CNOT4: variants seen among roughly 807,000 people sequenced by gnomAD.
CNOT4 encodes the protein CCR4-NOT transcription complex subunit 4.
CNOT4 carries 8 observed loss-of-function variants against 73.8 expected under a neutral mutation model. The observed-to-expected ratio is 0.11, with a 90% CI of 0.06 to 0.20. CNOT4 has a LOEUF of 0.20. CNOT4 is among the 10% of genes least tolerant of loss of function. The probability of loss-of-function intolerance (pLI) is 1.00; values close to 1 mark genes in which losing one functional copy is unlikely to be tolerated. For missense variants in CNOT4, 564 were observed against 883.4 expected (o/e 0.64, Z 4.58); for synonymous variants, 293 against 321.1 (o/e 0.91, Z 0.94).
At chr7:135,369,667 T>G (rs548930553) in intron 10 of CNOT4, among the ~76,000 whole-genome samples, 2 of 152,240 alleles carry the variant, frequency 1.3e-5, no homozygotes, top group Non-Finnish European at 2.9e-5. Context: ...ATTAACTCTT[T>G]GCCATTTAGA....
intron 10 of CNOT4, among the ~76,000 whole-genome samples, chr7:135,382,669 T>A (rs552746775): frequency 3.0e-4 from 45 of 152,232 alleles, no homozygotes; most frequent in African/African-American, 4.3e-4. Context: ...AAAATTTTTT[T>A]AAAAAATTGT....
chr7:135,364,209 T>C lies in CNOT4; in HGVS notation c.1628-143A>G. ...TTTAAAATGGGTTGTCCTAGCAAGA[T>C]AAACTTGGTTAGGATTTTGCTCGTG... On this transcript the variant is annotated intron_variant, in intron 10 of 11. Transcript: ENST00000541284. The surrounding 1 kb of genome is among the most constrained non-coding windows in gnomAD (Gnocchi z 4.3). 1.4e-6 allele frequency: 1 copy of C among 701,676 alleles called. No homozygotes were observed. Among genetic ancestry groups the C allele is most frequent in the Admixed American group, 2.9e-5 (1 of 34,200 alleles). 43.5% of individuals were successfully genotyped at this position (701,676 alleles called of 1,614,324 possible).
chr7:135,431,190 A>G (rs1342873796), intron 2 of CNOT4, among the ~76,000 whole-genome samples: 2 of 152,214 alleles, frequency 1.3e-5, no homozygotes, highest in Admixed American at 6.5e-5. Flanking sequence ...GCTTGAGCCC[A>G]GGAGTTCTAG....
intron 1 of CNOT4, among the ~76,000 whole-genome samples, chr7:135,473,513 G>A (rs1801776251): frequency 1.3e-5 from 2 of 152,162 alleles, no homozygotes; most frequent in Admixed American, 6.5e-5. Context: ...TTTGGAAGGC[G>A]AGGCAGGTGG....
chr7:135,464,085 T>C (rs1187594940), intron 1 of CNOT4, among the ~76,000 whole-genome samples: 1 of 150,378 alleles, frequency 6.6e-6, no homozygotes, highest in African/African-American at 2.4e-5. Flanking sequence ...CTTATATTGC[T>C]GGTGGTAATG....
rs184784256 is a variant in CNOT4, at chr7:135,410,560, A to G, written c.776T>C (p.Val259Ala). ...TGTCACTTTGTTCTTATTTTTATCA[A>G]CTGAACCCGTAGATAGCTGAAGAAA... ...PNFLQLSTGS[V>A]DKNKNKVTPL... Residue 259 changes from valine (V) to alanine (A), a missense_variant, in exon 7 of 12, where the codon GTT becomes GCT. Physicochemically the swap from Val to Ala is moderately conservative, Grantham distance 64. Coordinates refer to ENST00000541284, the MANE Select transcript of CNOT4 (RefSeq NM_001190850.2). 2.6e-5 allele frequency: 41 copies of G among 1,575,840 alleles called. No homozygotes were observed. Among genetic ancestry groups the G allele is most frequent in the Admixed American group, 5.4e-5 (3 of 55,232 alleles).
At chr7:135,389,651 C>T (rs1405165383) in intron 10 of CNOT4, among the ~76,000 whole-genome samples, 3 of 151,880 alleles carry the variant, frequency 2.0e-5, no homozygotes, top group East Asian at 3.9e-4. Context: ...AAGAAAAATG[C>T]CCTCTCAAAA....
At chr7:135,495,555 A>G (rs1279700330) in intron 1 of CNOT4, among the ~76,000 whole-genome samples, 6 of 148,904 alleles carry the variant, frequency 4.0e-5, no homozygotes, top group African/African-American at 1.5e-4. Flanking sequence ...ATGCACCTAC[A>G]GTGCCAGCTA....
At position 135,422,323 on chromosome 7, in the gene CNOT4, GT is replaced by G; in HGVS notation, c.204del (p.Lys68AsnfsTer11). On this transcript the variant is annotated frameshift_variant, in exon 3 of 12. Coordinates refer to ENST00000541284, the MANE Select transcript of CNOT4 (RefSeq NM_001190850.2). LOFTEE classifies it high-confidence loss of function. ...KPYPEDPAVY[K>X]PLSQEELQRI... ...CTTTGCAGCTCTTCCTGGGAGAGTG[GT>G]TTATAAACTGCTGGGTCTTCTGGAT... 6.5e-7 allele frequency: 1 copy of G among 1,547,276 alleles called. No individual in the cohort carries two copies. The highest frequency in any genetic ancestry group is 8.9e-7 in the Non-Finnish European group (1 of 1,119,612).
At chr7:135,497,191 T>C (rs1452965231) in intron 1 of CNOT4, among the ~76,000 whole-genome samples, 5 of 151,908 alleles carry the variant, frequency 3.3e-5, no homozygotes, top group African/African-American at 1.2e-4. Context: ...GCGGATTGCT[T>C]GAGGCCAGGA....
chr7:135,477,326 G>A (rs922199571), intron 1 of CNOT4, among the ~76,000 whole-genome samples: 6 of 150,380 alleles, frequency 4.0e-5, no homozygotes, highest in Admixed American at 2.0e-4. Context: ...CTGGGTGACC[G>A]AGTGAGACTC....
At chr7:135,426,444 T>TA (rs1181202930) in intron 2 of CNOT4, among the ~76,000 whole-genome samples, 3 of 148,542 alleles carry the variant, frequency 2.0e-5, no homozygotes, top group African/African-American at 5.0e-5. Context: ...CTACTAAAAA[T>TA]AAAAAAAAAT....
intron 1 of CNOT4, among the ~76,000 whole-genome samples, chr7:135,506,576 A>C (rs1804381105): frequency 1.3e-5 from 2 of 152,220 alleles, no homozygotes; most frequent in African/African-American, 4.8e-5. Flanking sequence ...TAGGCCTGGC[A>C]TGGTGGCTCA....
intron 1 of CNOT4, among the ~76,000 whole-genome samples, chr7:135,496,361 G>A (rs923223932): frequency 6.6e-6 from 1 of 152,192 alleles, no homozygotes; most frequent in Non-Finnish European, 1.5e-5. Flanking sequence ...CCACAGTGCT[G>A]GGATTACAGG....
chr7:135,459,869 C>T (rs1269465849), intron 1 of CNOT4, among the ~76,000 whole-genome samples: 1 of 152,232 alleles, frequency 6.6e-6, no homozygotes, highest in Non-Finnish European at 1.5e-5. Context: ...CATTGAAAAT[C>T]TGTTTAGTGT....
At chr7:135,480,312 T>C (rs1002880769) in intron 1 of CNOT4, among the ~76,000 whole-genome samples, 1 of 152,228 alleles carries the variant, frequency 6.6e-6, no homozygotes, top group Non-Finnish European at 1.5e-5. Context: ...TCTCCTCCAT[T>C]CTCTAAATCC....
intron 1 of CNOT4, among the ~76,000 whole-genome samples, chr7:135,448,311 G>A (rs532806687): frequency 1.5e-4 from 23 of 152,182 alleles, no homozygotes; most frequent in African/African-American, 5.1e-4. Context: ...TTGGGAGGCC[G>A]AGATGAGTGG....
intron 6 of CNOT4, among the ~76,000 whole-genome samples, chr7:135,412,799 T>C (rs530763835): frequency 3.9e-5 from 6 of 152,054 alleles, no homozygotes; most frequent in East Asian, 3.9e-4. Flanking sequence ...TCATCTACAA[T>C]AGGGAAGTGC....
Position 135,395,733 on chromosome 7 carries a change from G to C in CNOT4, c.1030C>G (p.Pro344Ala). ...QSLFSDNFRHPNPIPSGLPPF... is the reference protein window; with the variant it reads ...QSLFSDNFRHANPIPSGLPPF... ...GGAAGCCCACTTGGGATAGGGTTGG[G>C]ATGGCGAAAATTGTCTGAGAATAAC... Residue 344 changes from proline (P) to alanine (A), a missense_variant, in exon 9 of 12, where the codon CCC becomes GCC. Coordinates refer to ENST00000541284, the MANE Select transcript of CNOT4 (RefSeq NM_001190850.2). 6.2e-7 allele frequency: 1 copy of C among 1,614,076 alleles called. No individual in the cohort carries two copies. Among genetic ancestry groups the C allele is most frequent in the East Asian group, 2.2e-5 (1 of 44,864 alleles).
Sources: gnomAD v4.1 joint callset for allele counts (sites outside exome capture counted in the v4.1 genomes callset) on GRCh38, gnomAD v4.1.1 for gene constraint, Gnocchi (gnomAD v3.1) non-coding constraint, MANE v1.5 for transcripts, NCBI Gene and HGNC (gene_info 2026-07-23, HGNC 2026-07-21) for gene names.